Variants in DDX50 observed in about 807,000 individuals in gnomAD.
The protein encoded by DDX50 is ATP-dependent RNA helicase DDX50.
Under a neutral mutation model 94.8 loss-of-function variants are expected in DDX50, and 56 were observed. The observed-to-expected ratio is 0.59, with a 90% CI of 0.48 to 0.74. The LOEUF is 0.74. Among genes scored for constraint, DDX50 ranks in the 30% least tolerant of loss-of-function variants. DDX50 has a pLI of 0.00. For synonymous variants in DDX50, 264 were observed against 295.4 expected (o/e 0.89, Z 1.09); for missense variants, 713 against 881.2 (o/e 0.81, Z 2.42).
At position 68,913,379 on chromosome 10, in the gene DDX50, C is replaced by G. The variant is rs772582402; in HGVS notation, c.758-12C>G. On this transcript the variant is annotated splice_polypyrimidine_tract_variant and intron_variant, in intron 5 of 14. Coordinates refer to ENST00000373585, the MANE Select transcript of DDX50 (RefSeq NM_024045.2). The stretch of plus-strand genomic sequence containing the variant: ...AATTTTACATATTGGTGGCATTTCT[C>G]TCTTCTCACAGTTAATCATATTCGA... 1 of 1,606,562 alleles carries G rather than the reference C, an allele frequency of 6.2e-7. No individual in the cohort carries two copies. Among genetic ancestry groups the G allele is most frequent in the African/African-American group, 1.3e-5 (1 of 74,686 alleles).
At chr10:68,929,725 C>CT (rs35522934) in intron 8 of DDX50, among the ~76,000 whole-genome samples, 13,112 of 127,226 alleles carry the variant, frequency 0.1, 1,043 homozygotes, top group Admixed American at 0.14. Context: ...CGCCTGGCCT[C>CT]TTTTTTTTTT....
chr10:68,935,179 T>C lies in DDX50; in HGVS notation c.1521+261T>C, dbSNP rs1012901654. Among the ~76,000 whole-genome samples the C allele has an allele frequency of 2.4e-4, 7 of 29,196 alleles. No individual in the cohort carries two copies. In the East Asian group the frequency reaches 0.012, roughly 49 times the overall value. 19.2% of individuals were successfully genotyped at this position (29,196 alleles called of 152,430 possible). On this transcript the variant is annotated intron_variant, in intron 10 of 14. Transcript: ENST00000373585. ...CTAAAATCAGAAGTGCATTGTGATT[T>C]CAGTACTTCTTAGTGTAAATGGGTG...
At chr10:68,909,935 T>C (rs1841576000) in intron 2 of DDX50, among the ~76,000 whole-genome samples, 1 of 152,182 alleles carries the variant, frequency 6.6e-6, no homozygotes, top group Admixed American at 6.5e-5. Flanking sequence ...GTGCTGGGAT[T>C]ACGGGCATGA....
chr10:68,941,319 AGTTT>A (rs1036005092), intron 13 of DDX50, 125 bp downstream of exon 13: 27 of 1,276,404 alleles, frequency 2.1e-5, no homozygotes, highest in African/African-American at 1.1e-4. Flanking sequence ...TTTCTCTGTT[AGTTT>A]GTTTCCAGTT....
intron 12 of DDX50, among the ~76,000 whole-genome samples, chr10:68,937,767 G>A (rs532336332): frequency 2.0e-4 from 31 of 152,070 alleles, no homozygotes; most frequent in African/African-American, 7.2e-4. Flanking sequence ...TGTATTTTTA[G>A]TAGAGACAGG....
chr10:68,921,585 C>T (rs968900313), intron 8 of DDX50, among the ~76,000 whole-genome samples: 3 of 152,198 alleles, frequency 2.0e-5, no homozygotes, highest in Non-Finnish European at 2.9e-5. Context: ...GTGATGCTAA[C>T]ATCCACCAAT....
chr10:68,928,850 A>G (rs572020772), intron 8 of DDX50, among the ~76,000 whole-genome samples: 1 of 152,326 alleles, frequency 6.6e-6, no homozygotes, highest in Non-Finnish European at 1.5e-5. Flanking sequence ...AAATTTATGT[A>G]TTATTCTTGA....
chr10:68,927,062 G>A (rs1194643503), intron 8 of DDX50, among the ~76,000 whole-genome samples: 1 of 151,872 alleles, frequency 6.6e-6, no homozygotes, highest in Admixed American at 6.6e-5. Context: ...ACAGGCATGC[G>A]CCACCACACC....
chr10:68,911,374 G>T, intron 4 of DDX50, 128 bp downstream of exon 4: 1 of 1,030,314 alleles, frequency 9.7e-7, no homozygotes, highest in Non-Finnish European at 1.3e-6. Flanking sequence ...ACAAAAATAT[G>T]TTGTTTTTCA....
intron 8 of DDX50, among the ~76,000 whole-genome samples, chr10:68,921,764 C>G (rs969175271): frequency 1.3e-5 from 2 of 152,102 alleles, no homozygotes; most frequent in Non-Finnish European, 2.9e-5. Context: ...ATATAAAATT[C>G]TTGGTTCACA....
Position 68,906,448 on chromosome 10 carries a change from G to T in DDX50, c.88-263G>T. The T allele has an allele frequency of 9.3e-6, 3 of 322,666 alleles. No homozygotes were observed. The South Asian group carries it at 1.8e-4, about 19-fold the overall frequency. The allele number at this position is 322,666 out of a possible 1,614,324, so 20.0% of individuals were successfully genotyped here. On this transcript the variant is annotated intron_variant, in intron 1 of 14. Coordinates refer to ENST00000373585, the MANE Select transcript of DDX50 (RefSeq NM_024045.2). ...GTCTTTCTTTCCCTGAGGAGAAACCGTTTTAATTTTCCTTAAATCTTATGA... is the reference window on the plus strand; with the variant it reads ...GTCTTTCTTTCCCTGAGGAGAAACCTTTTTAATTTTCCTTAAATCTTATGA...
In DDX50 at chr10:68,934,588, A is replaced by G. The variant is rs1334834980; in HGVS notation, c.1402-211A>G. Among the ~76,000 whole-genome samples the G allele has an allele frequency of 6.6e-6, 1 of 152,180 alleles. No individual in the cohort carries two copies. Among genetic ancestry groups the G allele is most frequent in the Non-Finnish European group, 1.5e-5 (1 of 68,038 alleles). ...ACAAAATCAGGCAGAGAATTACAAA[A>G]AGTTGCCATAAAGAAACCTGGGATG... On this transcript the variant is annotated intron_variant, in intron 9 of 14. Transcript: ENST00000373585. This position sits in a 1 kb window ranked among gnomAD's most constrained non-coding sequence, Gnocchi z 4.0.
rs763451791 is a variant in DDX50 at position 68,919,903 on chromosome 10, G to A, written c.1161G>A (p.Gly387=). The part of the protein sequence containing the change: ...VIGDVLQVYS[G]SEGRAIIFCE... Reference sequence around the variant, plus strand: ...GAGATGTCCTTCAAGTCTACAGTGGGTCTGAAGGGAGGGCTATTATTTTCT... The same window carrying A: ...GAGATGTCCTTCAAGTCTACAGTGGATCTGAAGGGAGGGCTATTATTTTCT... Residue 387 remains glycine, a synonymous_variant, in exon 8 of 15, where the codon GGG becomes GGA. Transcript: ENST00000373585. 1.9e-6 allele frequency: 3 copies of A among 1,614,092 alleles called. No individual in the cohort carries two copies. The highest frequency in any genetic ancestry group is 3.3e-5 in the Admixed American group (2 of 60,016).
chr10:68,941,731 C>T (rs1842558531), intron 13 of DDX50, among the ~76,000 whole-genome samples: 2 of 152,112 alleles, frequency 1.3e-5, no homozygotes, highest in South Asian at 4.1e-4. Context: ...CCTATGCCTC[C>T]TGGGTTCAAG....
In DDX50 at chr10:68,913,169, T is replaced by C; in HGVS notation, c.647T>C (p.Val216Ala). The C allele has an allele frequency of 6.2e-7, 1 of 1,604,210 alleles. No individual in the cohort carries two copies. The highest frequency in any genetic ancestry group is 8.5e-7 in the Non-Finnish European group (1 of 1,177,634). Residue 216 changes from valine (V) to alanine (A), a missense_variant, in exon 5 of 15, where the codon GTT becomes GCT. Transcript: ENST00000373585. ...TTTAAACCTCTTGCTCAGGTACTTG[T>C]TTTGGCTCCAACAAGGGAACTGGCA... ...IKKSRSPKVL[V>A]LAPTRELANQ...
At position 68,905,661 on chromosome 10, in the gene DDX50, C is replaced by G. The variant is rs113434078; in HGVS notation, c.88-1050C>G. On this transcript the variant is annotated intron_variant, in intron 1 of 14. Transcript: ENST00000373585. ...GCACAGTGGCTCACGCCTGTAATCC[C>G]ACCACTTTGGGAGGCCGAGGCTGGT... 5.6e-3 allele frequency among the ~76,000 whole-genome samples: 848 copies of G among 152,326 alleles called. 14 individuals are homozygous for G. The highest frequency in any genetic ancestry group is 0.019 in the African/African-American group (798 of 41,570).
At chr10:68,929,252 C>T (rs1236397592) in intron 8 of DDX50, among the ~76,000 whole-genome samples, 1 of 38,508 alleles carries the variant, frequency 2.6e-5, no homozygotes, top group African/African-American at 1.5e-4. Flanking sequence ...CAGCCTGGTC[C>T]CTTCCTTCCT....
At chr10:68,901,690 C>A (rs1347367221) in intron 1 of DDX50, among the ~76,000 whole-genome samples, 1 of 152,184 alleles carries the variant, frequency 6.6e-6, no homozygotes, top group Admixed American at 6.5e-5. Flanking sequence ...CTCTCCTCCG[C>A]GTGGCCCCTC....
At chr10:68,915,137 G>A (rs756152510) in intron 7 of DDX50, among the ~76,000 whole-genome samples, 22 of 149,792 alleles carry the variant, frequency 1.5e-4, no homozygotes, top group Non-Finnish European at 3.0e-4. Flanking sequence ...ATTAGGGCCG[G>A]GCGTGGTGGC....
Sources: allele counts gnomAD v4.1 joint callset (sites outside exome capture counted in the v4.1 genomes callset), GRCh38; gene constraint gnomAD v4.1.1; non-coding constraint Gnocchi (gnomAD v3.1); transcripts MANE v1.5; gene names NCBI Gene and HGNC (gene_info 2026-07-23, HGNC 2026-07-21).